NBEA: variants seen among roughly 807,000 people sequenced by gnomAD.
The protein encoded by NBEA is lysosomal-trafficking regulator 2.
NBEA carries 44 observed loss-of-function variants against 343.4 expected under a neutral mutation model. The ratio of observed to expected loss-of-function variants is 0.13; its 90% confidence interval spans 0.10 to 0.16. NBEA has a LOEUF of 0.16. Ranked by LOEUF, NBEA falls within the 10% of genes least tolerant of loss-of-function variation. The pLI is 1.00. For missense variants in NBEA, 2,555 were observed against 3,631.3 expected, an observed-to-expected ratio of 0.70 and a Z score of 7.62; for synonymous variants, 1,175 against 1,238.7, an observed-to-expected ratio of 0.95 and a Z score of 1.08.
chr13:35,023,674 G>A (rs972978383), intron 1 of NBEA, among the ~76,000 whole-genome samples: 1 of 152,122 alleles, frequency 6.6e-6, no homozygotes, highest in Non-Finnish European at 1.5e-5. Context: ...AAAAGTGTGA[G>A]TAAAAACAAG....
chr13:35,461,741 A>G (rs1328029328), intron 40 of NBEA, among the ~76,000 whole-genome samples: 3 of 152,232 alleles, frequency 2.0e-5, no homozygotes, highest in African/African-American at 7.2e-5. Context: ...ACATAAAGTT[A>G]AAAAGAGATT....
At chr13:35,526,455 G>C (rs1195395851) in intron 41 of NBEA, among the ~76,000 whole-genome samples, 3 of 152,178 alleles carry the variant, frequency 2.0e-5, no homozygotes, top group Non-Finnish European at 4.4e-5. Flanking sequence ...AGACCAGCTT[G>C]GGCAACATGG....
intron 34 of NBEA, among the ~76,000 whole-genome samples, chr13:35,236,618 T>A (rs55698934): frequency 0.096 from 13,200 of 137,454 alleles, 629 homozygotes; most frequent in South Asian, 0.15. Flanking sequence ...AGATATATAT[T>A]TTTTTTTTTT....
intron 36 of NBEA, among the ~76,000 whole-genome samples, chr13:35,332,153 A>G (rs748365798): frequency 6.6e-5 from 10 of 152,114 alleles, no homozygotes; most frequent in Non-Finnish European, 1.5e-4. Flanking sequence ...TGAGATAAAT[A>G]GATTTTGTAC....
Position 35,327,144 on chromosome 13 carries a change from G to A in NBEA, c.5903+17552G>A, listed in dbSNP as rs192977421. Among the ~76,000 whole-genome samples, 163 of 152,166 alleles carry A rather than the reference G, an allele frequency of 1.1e-3. 2 individuals carry two copies. In the South Asian group the frequency reaches 0.011, roughly 11 times the overall value. ...AAAAGCAGCAGGTGCTGGAGAGGCTGTGGAGAAAAGGGAATGCTTATACAC... is the reference window on the plus strand; with the variant it reads ...AAAAGCAGCAGGTGCTGGAGAGGCTATGGAGAAAAGGGAATGCTTATACAC... On this transcript the variant is annotated intron_variant, in intron 36 of 58. Transcript: ENST00000379939.
intron 38 of NBEA, among the ~76,000 whole-genome samples, chr13:35,369,995 AT>A (rs1173608591): frequency 6.6e-6 from 1 of 151,966 alleles, no homozygotes; most frequent in Non-Finnish European, 1.5e-5. Context: ...AAGAATGCAT[AT>A]TCCATAGCTA....
chr13:34,992,967 G>A (rs1169265297), intron 1 of NBEA, among the ~76,000 whole-genome samples: 2 of 151,230 alleles, frequency 1.3e-5, no homozygotes, highest in African/African-American at 2.4e-5. Flanking sequence ...ACAGGCATGA[G>A]CCACCACGCC....
intron 38 of NBEA, among the ~76,000 whole-genome samples, chr13:35,387,448 ATGT>A (rs1182688753): frequency 6.6e-6 from 1 of 151,932 alleles, no homozygotes; most frequent in Non-Finnish European, 1.5e-5. Flanking sequence ...CACCTATTCT[ATGT>A]TGTTATATGG....
chr13:35,342,571 A>C (rs1452826196), intron 36 of NBEA, among the ~76,000 whole-genome samples: 1 of 152,010 alleles, frequency 6.6e-6, no homozygotes, highest in East Asian at 1.9e-4. Flanking sequence ...ATCTACGTAG[A>C]AATTGTCTTT....
chr13:35,457,358 G>A (rs972369913), intron 40 of NBEA, among the ~76,000 whole-genome samples: 1 of 152,058 alleles, frequency 6.6e-6, no homozygotes, highest in Admixed American at 6.6e-5. Context: ...ACAGAGTTAT[G>A]CAACTGTTAC....
intron 41 of NBEA, among the ~76,000 whole-genome samples, chr13:35,498,696 T>C (rs907486066): frequency 6.6e-6 from 1 of 152,102 alleles, no homozygotes. Context: ...TAAGAAAATG[T>C]ATATTTAAAA....
chr13:35,670,006 A>C (rs1315749958), intron 58 of NBEA, among the ~76,000 whole-genome samples: 1 of 152,108 alleles, frequency 6.6e-6, no homozygotes, highest in Non-Finnish European at 1.5e-5. Context: ...AAAGATACTA[A>C]GTTTCTATTT....
At chr13:35,649,558 GCTAGCCTTGTCTGTTTA>G (rs1314520505) in intron 51 of NBEA, 80 bp from the exon 52 acceptor site, 2 of 1,014,066 alleles carry the variant, frequency 2.0e-6, no homozygotes, top group Non-Finnish European at 3.0e-6. Flanking sequence ...GTGTGCTCGT[GCTAGCCTTGTCTGTTTA>G]ACCTCATTCT....
chr13:35,569,170 A>G (rs915255085), intron 45 of NBEA, among the ~76,000 whole-genome samples: 2 of 152,194 alleles, frequency 1.3e-5, no homozygotes, highest in Non-Finnish European at 2.9e-5. Flanking sequence ...ATATGCTACT[A>G]CATACATATT....
intron 55 of NBEA, among the ~76,000 whole-genome samples, 196 bp from the exon 56 acceptor site, chr13:35,664,889 A>T (rs527937262): frequency 6.6e-6 from 1 of 152,392 alleles, no homozygotes; most frequent in South Asian, 2.1e-4. Flanking sequence ...TCTAAACAGC[A>T]TGTATAATAG....
At chr13:35,575,396 G>T (rs1022328490) in intron 45 of NBEA, among the ~76,000 whole-genome samples, 7 of 152,070 alleles carry the variant, frequency 4.6e-5, no homozygotes, top group African/African-American at 1.7e-4. Context: ...TTCTTATTTA[G>T]AACAACCCAA....
intron 48 of NBEA, among the ~76,000 whole-genome samples, chr13:35,615,898 T>TTTAGATATAGAAACCC (rs1281246864): frequency 6.6e-6 from 1 of 152,062 alleles, no homozygotes; most frequent in Admixed American, 6.5e-5. Flanking sequence ...TTCTATATCT[T>TTTAGATATAGAAACCC]TTACCCTCCA....
At chr13:34,975,253 G>T (rs1395633982) in intron 1 of NBEA, among the ~76,000 whole-genome samples, 1 of 152,120 alleles carries the variant, frequency 6.6e-6, no homozygotes, top group Admixed American at 6.6e-5. Flanking sequence ...CATGGTACTG[G>T]TATAAAAATA....
intron 11 of NBEA, among the ~76,000 whole-genome samples, chr13:35,100,673 A>C (rs1468787438): frequency 6.6e-6 from 1 of 152,026 alleles, no homozygotes; most frequent in Non-Finnish European, 1.5e-5. Context: ...AAAGCCTTCA[A>C]ATAAAGACAT....
Sources: gnomAD v4.1 joint callset for allele counts (sites outside exome capture counted in the v4.1 genomes callset) on GRCh38, gnomAD v4.1.1 for gene constraint, MANE v1.5 for transcripts, NCBI Gene and HGNC (gene_info 2026-07-23, HGNC 2026-07-21) for gene names.